Variants in SUFU observed in about 807,000 individuals in gnomAD.
The protein encoded by SUFU is suppressor of fused homolog.
In SUFU, 7 loss-of-function variants were observed where a neutral mutation model predicts 58.9. The observed-to-expected ratio is 0.12, with a 90% CI of 0.07 to 0.22. SUFU has a LOEUF of 0.22. SUFU is among the 10% of genes least tolerant of loss of function. The pLI, the probability that SUFU is intolerant of heterozygous loss-of-function variation, is 1.00. For synonymous variants in SUFU, 232 were observed against 254.8 expected (o/e 0.91, Z 0.85); for missense variants, 451 against 641.3 (o/e 0.70, Z 3.20).
chr10:102,599,349 C>T, intron 7 of SUFU, 84 bp from the exon 8 acceptor site: 1 of 1,067,890 alleles, frequency 9.4e-7, no homozygotes, highest in Non-Finnish European at 1.5e-6. Flanking sequence ...TTCTTAGCAC[C>T]TCTGCTGAGC....
intron 3 of SUFU, among the ~76,000 whole-genome samples, chr10:102,587,573 C>G (rs2063347334): frequency 6.6e-6 from 1 of 152,074 alleles, no homozygotes; most frequent in Non-Finnish European, 1.5e-5. Context: ...CTCACTGCAA[C>G]CTCCTCCTCC....
intron 3 of SUFU, among the ~76,000 whole-genome samples, chr10:102,551,041 C>T (rs1019526697): frequency 5.9e-5 from 9 of 152,144 alleles, no homozygotes; most frequent in East Asian, 1.9e-4. Flanking sequence ...CCGCGCCTGG[C>T]CAGTGACTTC....
intron 2 of SUFU, among the ~76,000 whole-genome samples, chr10:102,535,039 G>A (rs1306785848): frequency 1.3e-5 from 2 of 152,120 alleles, no homozygotes; most frequent in African/African-American, 2.4e-5. Context: ...TTCTTCTGGA[G>A]GGAATAGCTA....
At chr10:102,508,799 G>A (rs1043035600) in intron 1 of SUFU, among the ~76,000 whole-genome samples, 8 of 152,230 alleles carry the variant, frequency 5.3e-5, no homozygotes, top group Admixed American at 5.2e-4. Flanking sequence ...ATTGACTGAT[G>A]TACCTCTTGC....
chr10:102,609,805 T>C (rs1426096312), intron 8 of SUFU, among the ~76,000 whole-genome samples: 1 of 152,146 alleles, frequency 6.6e-6, no homozygotes, highest in African/African-American at 2.4e-5. Flanking sequence ...TTTGAGGGAA[T>C]GGGAGAGAGG....
At position 102,593,708 on chromosome 10, in the gene SUFU, C is replaced by A; in HGVS notation, c.670C>A (p.Arg224=). ...WNGQGILELL[R]TVPIAGGPWL... is the part of the protein sequence containing the mutation. ...CGGGCAGGGCATCCTGGAGCTGCTGCGGACAGTGCCTATGTGAGTACCCAT... is the reference window on the plus strand; with the variant it reads ...CGGGCAGGGCATCCTGGAGCTGCTGAGGACAGTGCCTATGTGAGTACCCAT... Residue 224 remains arginine, a synonymous_variant, in exon 5 of 12, where the codon CGG becomes AGG. Transcript: ENST00000369902. The A allele has an allele frequency of 6.2e-7, 1 of 1,614,202 alleles. No homozygotes were observed. Among genetic ancestry groups the A allele is most frequent in the Non-Finnish European group, 8.5e-7 (1 of 1,180,024 alleles).
intron 3 of SUFU, among the ~76,000 whole-genome samples, chr10:102,589,442 C>CTTTTTTTTTT (rs747625757): frequency 0.021 from 1,376 of 65,352 alleles, 246 homozygotes; most frequent in East Asian, 0.038. Context: ...TTCTTTCTTT[C>CTTTTTTTTTT]TTTTTTTTTT....
intron 8 of SUFU, among the ~76,000 whole-genome samples, chr10:102,609,004 T>C (rs1590075827): frequency 6.6e-6 from 1 of 152,232 alleles, no homozygotes; most frequent in Non-Finnish European, 1.5e-5. Context: ...AAGATAGATA[T>C]GTCTTCATAG....
intron 8 of SUFU, among the ~76,000 whole-genome samples, chr10:102,611,638 A>G (rs988936264): frequency 6.6e-6 from 1 of 152,260 alleles, no homozygotes; most frequent in African/African-American, 2.4e-5. Flanking sequence ...CAGCCAGCTA[A>G]CGTCAACACA....
chr10:102,515,470 C>G (rs1424383238), intron 2 of SUFU, among the ~76,000 whole-genome samples: 4 of 152,044 alleles, frequency 2.6e-5, no homozygotes, highest in Non-Finnish European at 5.9e-5. Flanking sequence ...CGCATGCCAC[C>G]ATGCCTGGCT....
intron 3 of SUFU, 138 bp downstream of exon 3, chr10:102,550,244 G>T (rs2062898948): frequency 7.9e-6 from 11 of 1,400,154 alleles, no homozygotes; most frequent in Non-Finnish European, 1.1e-5. Flanking sequence ...CATGAGGATG[G>T]CTTGTTTTGC....
At chr10:102,524,471 A>C (rs1338963119) in intron 2 of SUFU, among the ~76,000 whole-genome samples, 1 of 151,194 alleles carries the variant, frequency 6.6e-6, no homozygotes, top group Non-Finnish European at 1.5e-5. Context: ...GACTACAGGC[A>C]CGTGCCACCA....
Position 102,614,880 on chromosome 10 carries a change from A to T in SUFU, c.1023-388A>T, listed in dbSNP as rs541099587. On this transcript the variant is annotated intron_variant, in intron 8 of 11. Transcript: ENST00000369902. Reference sequence around the variant, plus strand: ...AATAGAACGAGACACCATCTCAATTAAAAAAAAAAAAAAAATAGAATGTTG... The same window carrying T: ...AATAGAACGAGACACCATCTCAATTTAAAAAAAAAAAAAAATAGAATGTTG... Among the ~76,000 whole-genome samples the T allele has an allele frequency of 8.7e-5, 11 of 126,620 alleles. 1 individual carries two copies. In the South Asian group the frequency reaches 1.6e-3, roughly 18 times the overall value. The allele number at this position is 126,620 out of a possible 152,430, so 83.1% of individuals were successfully genotyped here.
intron 2 of SUFU, among the ~76,000 whole-genome samples, chr10:102,540,366 G>A (rs935534421): frequency 2.0e-5 from 3 of 152,010 alleles, no homozygotes; most frequent in Non-Finnish European, 4.4e-5. Context: ...CTATACCTAT[G>A]GGGGCCTGGT....
At chr10:102,597,057 G>T in intron 6 of SUFU, 83 bp from the exon 7 acceptor site, 1 of 1,524,530 alleles carries the variant, frequency 6.6e-7, no homozygotes. Flanking sequence ...AGTAAATACT[G>T]TAAGAGCAGT....
intron 9 of SUFU, 67 bp downstream of exon 9, chr10:102,615,469 CA>C: frequency 1.2e-6 from 2 of 1,610,702 alleles, no homozygotes; most frequent in Non-Finnish European, 1.7e-6. Flanking sequence ...GGGGGCACTT[CA>C]GAGCCTCCCC....
Position 102,563,105 on chromosome 10 carries a change from C to T in SUFU, c.454+12999C>T, listed in dbSNP as rs772054400. Among the ~76,000 whole-genome samples, 8 of 152,122 alleles carry T rather than the reference C, an allele frequency of 5.3e-5. No homozygotes were observed. The South Asian group carries it at 6.2e-4, about 12-fold the overall frequency. ...GGGACAGTCTAACCAGCCTGCTCTG[C>T]GTGCTCCAGCCTCTCAGCCGCCAAG... On this transcript the variant is annotated intron_variant, in intron 3 of 11. Coordinates refer to ENST00000369902, the MANE Select transcript of SUFU (RefSeq NM_016169.4).
intron 3 of SUFU, chr10:102,573,153 T>G: frequency 1.3e-6 from 1 of 774,084 alleles, no homozygotes; most frequent in Non-Finnish European, 2.3e-6. Flanking sequence ...ACTGCCTTCT[T>G]GGCCTTCAAA....
chr10:102,575,815 T>C (rs2063206657), intron 3 of SUFU, among the ~76,000 whole-genome samples: 1 of 152,134 alleles, frequency 6.6e-6, no homozygotes, highest in Admixed American at 6.6e-5. Flanking sequence ...CTTTCCAACA[T>C]TAAGTATATA....
Sources: allele counts gnomAD v4.1 joint callset (sites outside exome capture counted in the v4.1 genomes callset), GRCh38; gene constraint gnomAD v4.1.1; transcripts MANE v1.5; gene names NCBI Gene and HGNC (gene_info 2026-07-23, HGNC 2026-07-21).